UQCRC1: variants seen among roughly 807,000 people sequenced by gnomAD.
UQCRC1 encodes the protein cytochrome b-c1 complex subunit 1, mitochondrial.
A neutral mutation model predicts 58.0 loss-of-function variants in UQCRC1; 34 were observed. That is an observed-to-expected ratio of 0.59 (90% CI 0.45 to 0.78). The LOEUF (loss-of-function observed/expected upper bound fraction) is 0.78. UQCRC1 is among the 30% of genes least tolerant of loss of function. The probability of loss-of-function intolerance (pLI) is 0.00; values close to 1 mark genes in which losing one functional copy is unlikely to be tolerated. For missense variants in UQCRC1, 610 were observed against 646.0 expected (o/e 0.94, Z 0.60); for synonymous variants, 276 against 248.8 (o/e 1.11, Z -1.03).
chr3:48,606,644 G>A (rs2046415358), intron 2 of UQCRC1, among the ~76,000 whole-genome samples: 1 of 151,882 alleles, frequency 6.6e-6, no homozygotes, highest in Non-Finnish European at 1.5e-5. Flanking sequence ...CTACTTGGGA[G>A]GCTGAGGCAG....
In UQCRC1 at chr3:48,609,142, C is replaced by G; in HGVS notation, c.210+20G>C. 1.3e-6 allele frequency: 2 copies of G among 1,595,698 alleles called. No homozygotes were observed. Among genetic ancestry groups the G allele is most frequent in the East Asian group, 2.3e-5 (1 of 44,398 alleles). ...AGGCCCAACCTGGAGGCCCTCTCCC[C>G]AAAAGCGTCCCCAACTCACCGTGCA... On this transcript the variant is annotated intron_variant, in intron 2 of 12. Coordinates refer to ENST00000203407, the MANE Select transcript of UQCRC1 (RefSeq NM_003365.3).
chr3:48,599,285 G>A, intron 12 of UQCRC1, 93 bp from the exon 13 acceptor site: 2 of 1,369,034 alleles, frequency 1.5e-6, no homozygotes, highest in Non-Finnish European at 2.0e-6. Flanking sequence ...ATGCTGCCCA[G>A]AGCAGCACAA....
intron 5 of UQCRC1, 76 bp from the exon 6 acceptor site, chr3:48,603,719 G>A: frequency 7.4e-7 from 1 of 1,344,008 alleles, no homozygotes; most frequent in South Asian, 1.2e-5. Flanking sequence ...GAATGGGACT[G>A]AGGAGGCAGA....
At position 48,604,894 on chromosome 3, in the gene UQCRC1, T is replaced by C. The variant is rs142991739; in HGVS notation, c.298-114A>G. On this transcript the variant is annotated intron_variant, in intron 3 of 12. Transcript: ENST00000203407. ...TGGTCCACAGGTACCTCCCTCAGCATAGACTCTGGGGACACAGATCCCAGA... is the reference window on the plus strand; with the variant it reads ...TGGTCCACAGGTACCTCCCTCAGCACAGACTCTGGGGACACAGATCCCAGA... 4 of 1,436,966 alleles carry C rather than the reference T, an allele frequency of 2.8e-6. No individual in the cohort carries two copies. In the East Asian group the frequency reaches 7.2e-5, roughly 26 times the overall value. 89.0% of individuals were successfully genotyped at this position (1,436,966 alleles called of 1,614,324 possible). A position where few individuals can be genotyped will look rare whatever the true frequency, so the allele number is the denominator to read the frequency against.
At chr3:48,607,808 C>T (rs2046428121) in intron 2 of UQCRC1, among the ~76,000 whole-genome samples, 1 of 151,932 alleles carries the variant, frequency 6.6e-6, no homozygotes. Context: ...AATAACAAAC[C>T]TTGTACCCAT....
intron 6 of UQCRC1, 111 bp from the exon 7 acceptor site, chr3:48,601,578 G>C: frequency 1.1e-6 from 1 of 945,650 alleles, no homozygotes; most frequent in Non-Finnish European, 1.6e-6. Context: ...GGAGAAACCA[G>C]GAGTATGTGA....
intron 3 of UQCRC1, 82 bp from the exon 4 acceptor site, chr3:48,604,862 G>A: frequency 6.3e-7 from 1 of 1,575,534 alleles, no homozygotes; most frequent in Non-Finnish European, 8.6e-7. Flanking sequence ...ACACCCAGCA[G>A]GACCACTGGT....
chr3:48,604,610 C>T (rs757424419), intron 4 of UQCRC1, 41 bp downstream of exon 4: 1 of 1,612,576 alleles, frequency 6.2e-7, no homozygotes, highest in Non-Finnish European at 8.5e-7. Context: ...CTGTCCTCTG[C>T]TTCCCTGCCC....
intron 8 of UQCRC1, 62 bp downstream of exon 8, chr3:48,600,913 C>G: frequency 1.2e-6 from 2 of 1,607,714 alleles, no homozygotes; most frequent in Non-Finnish European, 1.7e-6. Context: ...CGCACAGGAG[C>G]ACACAGCCCC....
chr3:48,601,855 T>C (rs1277662023), intron 6 of UQCRC1, among the ~76,000 whole-genome samples: 1 of 152,136 alleles, frequency 6.6e-6, no homozygotes, highest in Non-Finnish European at 1.5e-5. Flanking sequence ...CAAGTATTTC[T>C]GGCTGCTGGC....
chr3:48,603,533 T>C lies in UQCRC1; in HGVS notation c.706+31A>G. ...TTGATAACCAAGGCTGGGACCCCAC[T>C]ACCCAGGACTTCAGTGATTCCATCA... On this transcript the variant is annotated intron_variant, in intron 6 of 12. Transcript: ENST00000203407. 6.2e-7 allele frequency: 1 copy of C among 1,610,538 alleles called. No homozygotes were observed. The highest frequency in any genetic ancestry group is 8.5e-7 in the Non-Finnish European group (1 of 1,178,512).
intron 2 of UQCRC1, among the ~76,000 whole-genome samples, chr3:48,607,751 G>A (rs1276524884): frequency 6.6e-6 from 1 of 151,966 alleles, no homozygotes; most frequent in Non-Finnish European, 1.5e-5. Flanking sequence ...TACAGGCACA[G>A]AATGCACAAG....
intron 2 of UQCRC1, among the ~76,000 whole-genome samples, chr3:48,607,726 C>T (rs1281884425): frequency 6.6e-5 from 10 of 151,974 alleles, no homozygotes; most frequent in Non-Finnish European, 1.5e-4. Context: ...GCCCCGCCCA[C>T]AAGTGTGATG....
Position 48,600,663 on chromosome 3 carries a change from A to C in UQCRC1, c.1127+17T>G. The C allele has an allele frequency of 6.2e-7, 1 of 1,614,122 alleles. No homozygotes were observed. The highest frequency in any genetic ancestry group is 8.5e-7 in the Non-Finnish European group (1 of 1,180,020). On this transcript the variant is annotated intron_variant, in intron 9 of 12. Transcript: ENST00000203407. ...TAAAGCCGCCATCCCACCTAGGAAT[A>C]CCAGGCTGCCACTTACCACTGCCCT...
At position 48,605,850 on chromosome 3, in the gene UQCRC1, C is replaced by A. The variant is rs1156529839; in HGVS notation, c.217G>T (p.Val73Leu). ...AAACGGCTGCCAACATCAATCCACA[C>A]TCCCACCTGGTCAAGAAGCCACCAG... Reference protein sequence around the residue: ...QSSQPTCTVGVWIDVGSRFET... With the variant: ...QSSQPTCTVGLWIDVGSRFET... The change falls in exon 3 of 13, where the codon GTG becomes TTG. Residue 73 changes from valine (V) to leucine (L), a missense_variant. By Grantham distance (32) the Val-to-Leu change is conservative. Coordinates refer to ENST00000203407, the MANE Select transcript of UQCRC1 (RefSeq NM_003365.3). 1 of 1,613,760 alleles carries A rather than the reference C, an allele frequency of 6.2e-7. No homozygotes were observed. Among genetic ancestry groups the A allele is most frequent in the Non-Finnish European group, 8.5e-7 (1 of 1,179,916 alleles).
At chr3:48,608,575 C>T (rs2046434447) in intron 2 of UQCRC1, among the ~76,000 whole-genome samples, 1 of 152,178 alleles carries the variant, frequency 6.6e-6, no homozygotes, top group Non-Finnish European at 1.5e-5. Context: ...AAGGATGTGT[C>T]AATAAAAACA....
Position 48,600,757 on chromosome 3 carries a change from C to T in UQCRC1, c.1050G>A (p.Glu350=). 6.2e-7 allele frequency: 1 copy of T among 1,614,196 alleles called. No homozygotes were observed. Among genetic ancestry groups the T allele is most frequent in the Non-Finnish European group, 8.5e-7 (1 of 1,180,048 alleles). ...CAAAGTGTGCACCCAGCAAGCCCGTCTCTGCATAGCAGATGCTGAAGGTCT... is the reference window on the plus strand; with the variant it reads ...CAAAGTGTGCACCCAGCAAGCCCGTTTCTGCATAGCAGATGCTGAAGGTCT... ...SFQTFSICYA[E]TGLLGAHFVC... is the part of the protein sequence containing the mutation. Residue 350 remains glutamate, a synonymous_variant, in exon 9 of 13, where the codon GAG becomes GAA. Transcript: ENST00000203407.
chr3:48,600,726 C>T lies in UQCRC1; in HGVS notation c.1081G>A (p.Asp361Asn). The T allele has an allele frequency of 6.2e-7, 1 of 1,614,148 alleles. No homozygotes were observed. Among genetic ancestry groups the T allele is most frequent in the Non-Finnish European group, 8.5e-7 (1 of 1,180,036 alleles). Residue 361 changes from aspartate (D) to asparagine (N), a missense_variant, in exon 9 of 13, where the codon GAC becomes AAC. By Grantham distance (23) the Asp-to-Asn change is conservative. Transcript: ENST00000203407. ...ATCATGTCATCGATTTTCATTCGGT[C>T]ACAGACAAAGTGTGCACCCAGCAAG... The part of the protein sequence containing the change: ...TGLLGAHFVC[D>N]RMKIDDMMFV...
At chr3:48,607,559 C>CTTT (rs112257968) in intron 2 of UQCRC1, among the ~76,000 whole-genome samples, 1 of 139,530 alleles carries the variant, frequency 7.2e-6, no homozygotes, top group Non-Finnish European at 1.6e-5. Context: ...CCATTTTTTT[C>CTTT]TTTTTTTTTT....
Sources: allele counts gnomAD v4.1 joint callset (sites outside exome capture counted in the v4.1 genomes callset), GRCh38; gene constraint gnomAD v4.1.1; transcripts MANE v1.5; gene names NCBI Gene and HGNC (gene_info 2026-07-23, HGNC 2026-07-21).